The following RALGAPB variants were observed in gnomAD, a reference collection of about 807,000 sequenced individuals.
RALGAPB encodes the protein ral GTPase-activating protein subunit beta.
RALGAPB carries 25 observed loss-of-function variants against 161.1 expected under a neutral mutation model. The observed-to-expected ratio is 0.16, with a 90% CI of 0.11 to 0.22. The LOEUF (loss-of-function observed/expected upper bound fraction) is 0.22. Ranked by LOEUF, RALGAPB falls within the 10% of genes least tolerant of loss-of-function variation. The pLI is 1.00. For missense variants in RALGAPB, 1,391 were observed against 1,815.2 expected (o/e 0.77, Z 4.25); for synonymous variants, 629 against 626.1 (o/e 1.00, Z -0.07).
At chr20:38,481,753 A>G (rs1223581129) in intron 1 of RALGAPB, among the ~76,000 whole-genome samples, 1 of 152,212 alleles carries the variant, frequency 6.6e-6, no homozygotes, top group Non-Finnish European at 1.5e-5. Context: ...TTTCTTCTTC[A>G]TGGTTTTAAC....
At chr20:38,508,147 CTATAATT>C (rs1435802891) in intron 5 of RALGAPB, among the ~76,000 whole-genome samples, 1 of 150,938 alleles carries the variant, frequency 6.6e-6, no homozygotes, top group Non-Finnish European at 1.5e-5. Context: ...ATATAAATAG[CTATAATT>C]TATAAGTAAT....
chr20:38,571,854 C>A (rs1250968309), intron 28 of RALGAPB, among the ~76,000 whole-genome samples: 2 of 152,178 alleles, frequency 1.3e-5, no homozygotes, highest in African/African-American at 4.8e-5. Context: ...TCTCCACATT[C>A]TCGCCAACAC....
intron 22 of RALGAPB, among the ~76,000 whole-genome samples, chr20:38,554,903 C>T (rs547512027): frequency 2.6e-5 from 4 of 151,880 alleles, no homozygotes; most frequent in African/African-American, 7.2e-5. Flanking sequence ...CATAGCGAGA[C>T]CCCCCCATCT....
At chr20:38,478,721 A>G (rs1213798600) in intron 1 of RALGAPB, among the ~76,000 whole-genome samples, 2 of 151,954 alleles carry the variant, frequency 1.3e-5, no homozygotes, top group African/African-American at 4.8e-5. Flanking sequence ...GGTTCAAGTG[A>G]TTCTCCTCCC....
Position 38,517,910 on chromosome 20 carries a change from A to G in RALGAPB, c.1327A>G (p.Ile443Val), listed in dbSNP as rs1188769208. The G allele has an allele frequency of 5.0e-6, 8 of 1,614,010 alleles. No homozygotes were observed. Among genetic ancestry groups the G allele is most frequent in the Non-Finnish European group, 6.8e-6 (8 of 1,179,976 alleles). ...PAPRRPKVNSILNLFGSWLFD... is the reference protein window; with the variant it reads ...PAPRRPKVNSVLNLFGSWLFD... ...CCCTCGGAGACCAAAGGTTAACAGC[A>G]TCTTGAATCTCTTTGGATCATGGTT... The change falls in exon 9 of 30, where the codon ATC (isoleucine) becomes GTC (valine). Residue 443 changes from isoleucine (I) to valine (V), a missense_variant. Transcript: ENST00000262879.
rs1471278154 is a variant in RALGAPB at position 38,575,858 on chromosome 20, TG to T, written c.*892del. 6.6e-6 allele frequency: 1 copy of T among 152,654 alleles called. No homozygotes were observed. Among genetic ancestry groups the T allele is most frequent in the East Asian group, 1.9e-4 (1 of 5,194 alleles). The allele number at this position is 152,654 out of a possible 1,614,324, so 9.5% of individuals were successfully genotyped here. ...TTGAAAATTATTTGGTTTCATCCAT[TG>T]TCTCTTATTTCAGGACCAAGCAGCA... On this transcript the variant is annotated 3_prime_UTR_variant, in exon 30 of 30. Transcript: ENST00000262879.
intron 3 of RALGAPB, among the ~76,000 whole-genome samples, chr20:38,496,867 C>T (rs563679043): frequency 7.2e-5 from 11 of 152,304 alleles, no homozygotes; most frequent in African/African-American, 2.4e-4. Flanking sequence ...GTAGGCCCTT[C>T]TCTAACAGAC....
intron 1 of RALGAPB, among the ~76,000 whole-genome samples, chr20:38,488,087 T>C (rs1452076827): frequency 1.3e-5 from 2 of 152,142 alleles, no homozygotes; most frequent in Admixed American, 1.3e-4. Context: ...GTATTTTCCA[T>C]TGTGACCCAG....
At chr20:38,485,763 T>A (rs2122847230) in intron 1 of RALGAPB, among the ~76,000 whole-genome samples, 3 of 152,302 alleles carry the variant, frequency 2.0e-5, no homozygotes, top group Middle Eastern at 6.8e-3. Flanking sequence ...TACAAAATGA[T>A]ACTTTAGTTG....
chr20:38,519,438 G>A (rs2086226030), intron 9 of RALGAPB, among the ~76,000 whole-genome samples: 1 of 151,796 alleles, frequency 6.6e-6, no homozygotes, highest in Non-Finnish European at 1.5e-5. Context: ...TAACTTTTGG[G>A]TATAGAGCTG....
intron 3 of RALGAPB, among the ~76,000 whole-genome samples, chr20:38,495,764 C>T (rs1251387518): frequency 6.6e-6 from 1 of 151,934 alleles, no homozygotes; most frequent in Non-Finnish European, 1.5e-5. Flanking sequence ...GTAAAGGTTA[C>T]CTTGTTTCTT....
chr20:38,475,807 G>A (rs1159996028), intron 1 of RALGAPB, among the ~76,000 whole-genome samples: 1 of 151,764 alleles, frequency 6.6e-6, no homozygotes, highest in South Asian at 2.1e-4. Flanking sequence ...AGTTGAGAGG[G>A]GGTTTCGCCA....
chr20:38,518,044 C>T, intron 9 of RALGAPB, 44 bp downstream of exon 9: 1 of 1,520,988 alleles, frequency 6.6e-7, no homozygotes, highest in South Asian at 1.1e-5. Context: ...TTTCCTTTTC[C>T]TTTTTCTTTT....
Position 38,488,443 on chromosome 20 carries a change from A to C in RALGAPB, c.11A>C (p.Glu4Ala), listed in dbSNP as rs2085181344. Residue 4 changes from glutamate to alanine, a missense_variant, in exon 2 of 30, where the codon GAG (glutamate) becomes GCG (alanine). Coordinates refer to ENST00000262879, the MANE Select transcript of RALGAPB (RefSeq NM_020336.4). Reference protein sequence around the residue: MYSEWRSLHLVIQN... With the variant: MYSAWRSLHLVIQN... ...TACTTTAGTGGCACGATGTACTCTGAGTGGAGGTCACTGCATTTGGTGATT... is the reference window on the plus strand; with the variant it reads ...TACTTTAGTGGCACGATGTACTCTGCGTGGAGGTCACTGCATTTGGTGATT... 2 of 1,613,728 alleles carry C rather than the reference A, an allele frequency of 1.2e-6. No homozygotes were observed. Among genetic ancestry groups the C allele is most frequent in the Non-Finnish European group, 1.7e-6 (2 of 1,179,798 alleles).
At chr20:38,493,407 C>T (rs2085331498) in intron 3 of RALGAPB, among the ~76,000 whole-genome samples, 2 of 152,184 alleles carry the variant, frequency 1.3e-5, no homozygotes, top group South Asian at 2.1e-4. Flanking sequence ...TCTTTCCCTT[C>T]TACTCAAAAA....
Position 38,554,025 on chromosome 20 carries a change from A to G in RALGAPB, c.3321A>G (p.Thr1107=). ...KPPPPAQEFQ[T]ARLFLSHFGF... is the part of the protein sequence containing the mutation. ...CGCCTCCTGCCCAGGAATTCCAAAC[A>G]GCCCGCCTTTTTCTCTCACACTTTG... The change falls in exon 22 of 30, where the codon ACA becomes ACG. Residue 1107 remains threonine, a synonymous_variant. Transcript: ENST00000262879. The G allele has an allele frequency of 6.2e-7, 1 of 1,613,994 alleles. No homozygotes were observed. The highest frequency in any genetic ancestry group is 8.5e-7 in the Non-Finnish European group (1 of 1,179,918).
At chr20:38,561,842 A>G (rs1432807178) in intron 23 of RALGAPB, among the ~76,000 whole-genome samples, 2 of 152,182 alleles carry the variant, frequency 1.3e-5, no homozygotes, top group Non-Finnish European at 2.9e-5. Flanking sequence ...CTCACCAGTT[A>G]TGACAACCAA....
At chr20:38,506,661 T>C (rs946942559) in intron 5 of RALGAPB, among the ~76,000 whole-genome samples, 6 of 152,232 alleles carry the variant, frequency 3.9e-5, no homozygotes, top group Admixed American at 6.5e-5. Context: ...ACAGAGTGTT[T>C]CACATTTTGG....
chr20:38,552,872 TTGAC>T (rs1643531549), intron 21 of RALGAPB, among the ~76,000 whole-genome samples: 2 of 152,278 alleles, frequency 1.3e-5, no homozygotes, highest in South Asian at 4.1e-4. Flanking sequence ...AGTAAAGAAT[TTGAC>T]TGGTGTGGAG....
Sources: gnomAD v4.1 joint callset for allele counts (sites outside exome capture counted in the v4.1 genomes callset) on GRCh38, gnomAD v4.1.1 for gene constraint, MANE v1.5 for transcripts, NCBI Gene and HGNC (gene_info 2026-07-23, HGNC 2026-07-21) for gene names.